The following CERS4 variants were observed in gnomAD, a reference collection of about 807,000 sequenced individuals.
The protein encoded by CERS4 is LAG1 homolog, ceramide synthase 4.
Under a neutral mutation model 51.8 loss-of-function variants are expected in CERS4, and 65 were observed. That is an observed-to-expected ratio of 1.26 (90% CI 1.03 to 1.54). The LOEUF (loss-of-function observed/expected upper bound fraction) is 1.54, where lower values mean the gene tolerates loss of function less well. Among genes scored for constraint, CERS4 ranks in the 40% most tolerant of loss-of-function variants. CERS4 has a pLI of 0.00. For missense variants in CERS4, 563 were observed against 500.4 expected (o/e 1.13, Z -1.19); for synonymous variants, 228 against 208.4 (o/e 1.09, Z -0.81).
intron 2 of CERS4, among the ~76,000 whole-genome samples, chr19:8,211,142 C>T (rs79016229): frequency 0.043 from 6,481 of 152,088 alleles, 461 homozygotes; most frequent in African/African-American, 0.15. Context: ...ACAACAGTGT[C>T]CACCTCCTGA....
At chr19:8,226,288 G>A (rs547739543) in intron 2 of CERS4, among the ~76,000 whole-genome samples, 6 of 152,276 alleles carry the variant, frequency 3.9e-5, no homozygotes, top group Non-Finnish European at 5.9e-5. Context: ...CTGGGTAAGC[G>A]TCTGATGGAT....
intron 2 of CERS4, among the ~76,000 whole-genome samples, chr19:8,218,144 T>C (rs1242369853): frequency 6.6e-6 from 1 of 152,052 alleles, no homozygotes; most frequent in Non-Finnish European, 1.5e-5. Flanking sequence ...TTTGTATTTT[T>C]AGTAGAGATG....
chr19:8,225,675 C>T (rs1486247743), intron 2 of CERS4, among the ~76,000 whole-genome samples: 2 of 151,760 alleles, frequency 1.3e-5, no homozygotes, highest in Admixed American at 1.3e-4. Flanking sequence ...CCACCCACCT[C>T]CGCCTCCCAA....
intron 2 of CERS4, among the ~76,000 whole-genome samples, chr19:8,215,734 A>C (rs980066057): frequency 6.6e-6 from 1 of 152,054 alleles, no homozygotes; most frequent in African/African-American, 2.4e-5. Context: ...TGTCCCCTCC[A>C]TCCCCGTCCA....
At chr19:8,233,054 A>AT (rs1474524658) in intron 2 of CERS4, among the ~76,000 whole-genome samples, 4 of 150,556 alleles carry the variant, frequency 2.7e-5, no homozygotes, top group East Asian at 2.0e-4. Context: ...TTTTTATTTT[A>AT]TTTTTTTTAA....
chr19:8,247,993 C>T (rs1213526634), intron 2 of CERS4, among the ~76,000 whole-genome samples: 6 of 152,128 alleles, frequency 3.9e-5, no homozygotes, highest in African/African-American at 9.7e-5. Flanking sequence ...TTCAGCCTCC[C>T]AAAGTGCTGG....
At chr19:8,229,996 G>A (rs568032921) in intron 2 of CERS4, among the ~76,000 whole-genome samples, 1 of 152,192 alleles carries the variant, frequency 6.6e-6, no homozygotes, top group Non-Finnish European at 1.5e-5. Context: ...AAAGTGCTGG[G>A]GTTACAGGTG....
intron 2 of CERS4, among the ~76,000 whole-genome samples, chr19:8,240,028 T>C (rs909364552): frequency 6.6e-6 from 1 of 152,040 alleles, no homozygotes; most frequent in Non-Finnish European, 1.5e-5. Context: ...GACAGAATAA[T>C]ATGGTGGCCT....
intron 2 of CERS4, among the ~76,000 whole-genome samples, chr19:8,219,387 G>A (rs372332979): frequency 2.6e-5 from 4 of 152,178 alleles, no homozygotes; most frequent in South Asian, 2.1e-4. Context: ...CCTGGAGGCC[G>A]GACACGGTGG....
intron 2 of CERS4, among the ~76,000 whole-genome samples, chr19:8,241,899 A>G (rs1968554849): frequency 1.3e-5 from 2 of 152,122 alleles, no homozygotes; most frequent in African/African-American, 4.8e-5. Context: ...AGAGGATGAC[A>G]GGGAACAAAC....
intron 2 of CERS4, among the ~76,000 whole-genome samples, chr19:8,246,144 G>A (rs1041727959): frequency 2.0e-5 from 3 of 151,882 alleles, no homozygotes; most frequent in African/African-American, 4.8e-5. Flanking sequence ...TGGATGACAG[G>A]ACAGGGGTGG....
chr19:8,255,740 G>A lies in CERS4; in HGVS notation c.410+15G>A, dbSNP rs754588028. On this transcript the variant is annotated intron_variant, in intron 5 of 11. Coordinates refer to ENST00000251363, the MANE Select transcript of CERS4 (RefSeq NM_024552.3). ...TGTGAGGCCAGGTAAGCCCAGGATG[G>A]GGCTTCTGGGGTGCAGGGAAGCGGG... is the stretch of plus-strand genomic sequence containing the variant. The A allele has an allele frequency of 1.2e-6, 2 of 1,611,866 alleles. No homozygotes were observed. The highest frequency in any genetic ancestry group is 8.5e-7 in the Non-Finnish European group (1 of 1,179,056).
chr19:8,225,970 C>T (rs183860209), intron 2 of CERS4, among the ~76,000 whole-genome samples: 58 of 151,946 alleles, frequency 3.8e-4, no homozygotes, highest in South Asian at 1.2e-3. Flanking sequence ...CCAAGGCGGG[C>T]GGATCATTTA....
intron 4 of CERS4, among the ~76,000 whole-genome samples, 157 bp from the exon 5 acceptor site, chr19:8,255,450 C>T (rs1481881047): frequency 6.6e-6 from 1 of 152,212 alleles, no homozygotes; most frequent in East Asian, 1.9e-4. Context: ...GGGCCCCACG[C>T]TGGGACCCCC....
chr19:8,249,586 G>GGTTTTTT (rs1568528022), intron 2 of CERS4, among the ~76,000 whole-genome samples: 1 of 57,938 alleles, frequency 1.7e-5, no homozygotes, highest in East Asian at 5.3e-4. Flanking sequence ...AGGAACTCTG[G>GGTTTTTT]ATTTTTTTTT....
intron 2 of CERS4, among the ~76,000 whole-genome samples, chr19:8,248,588 GATGGGTGA>G (rs1968893953): frequency 6.6e-6 from 1 of 151,520 alleles, no homozygotes; most frequent in Non-Finnish European, 1.5e-5. Flanking sequence ...ATGATGGATG[GATGGGTGA>G]ATGGGTAGGT....
chr19:8,247,871 TTACAGGCACATGCCACCACAC>T (rs1968860321), intron 2 of CERS4, among the ~76,000 whole-genome samples: 1 of 151,500 alleles, frequency 6.6e-6, no homozygotes, highest in Non-Finnish European at 1.5e-5. Context: ...GTAGCTGGGG[TTACAGGCACATGCCACCACAC>T]CTGGCTGATT....
At chr19:8,209,921 G>A (rs368558422) in intron 1 of CERS4, 1 of 152,390 alleles carries the variant, frequency 6.6e-6, no homozygotes, top group African/African-American at 2.4e-5. Flanking sequence ...GTCATTCCAA[G>A]CCCGAGCTAA....
intron 2 of CERS4, among the ~76,000 whole-genome samples, chr19:8,237,242 G>A (rs950640159): frequency 6.6e-6 from 1 of 151,874 alleles, no homozygotes; most frequent in Non-Finnish European, 1.5e-5. Flanking sequence ...TTTCATGGGT[G>A]TGTACATATG....
Sources: allele counts gnomAD v4.1 joint callset (sites outside exome capture counted in the v4.1 genomes callset), GRCh38; gene constraint gnomAD v4.1.1; transcripts MANE v1.5; gene names NCBI Gene and HGNC (gene_info 2026-07-23, HGNC 2026-07-21).